The following FSTL4 variants were observed in gnomAD, a reference collection of about 807,000 sequenced individuals.
FSTL4 encodes the protein follistatin like 4.
A neutral mutation model predicts 78.2 loss-of-function variants in FSTL4; 28 were observed. The observed-to-expected ratio is 0.36, with a 90% CI of 0.27 to 0.49. FSTL4 has a LOEUF of 0.49. Among genes scored for constraint, FSTL4 ranks in the 20% least tolerant of loss-of-function variants. The probability of loss-of-function intolerance (pLI) is 0.98; values close to 1 mark genes in which losing one functional copy is unlikely to be tolerated. For missense variants in FSTL4, 922 were observed against 1,084.9 expected (o/e 0.85, Z 2.11); for synonymous variants, 422 against 440.5 (o/e 0.96, Z 0.53).
intron 6 of FSTL4, among the ~76,000 whole-genome samples, chr5:133,286,437 A>T (rs1753130856): frequency 6.6e-6 from 1 of 152,220 alleles, no homozygotes; most frequent in East Asian, 1.9e-4. Context: ...TTTTCTGAAG[A>T]GATCTTGTTT....
chr5:133,466,280 A>C (rs25877), intron 3 of FSTL4, among the ~76,000 whole-genome samples: 36,421 of 152,128 alleles, frequency 0.24, 5,921 homozygotes, highest in African/African-American at 0.47. Context: ...CGGTGGCTCA[A>C]GCCTGTAATC....
chr5:133,825,317 A>C, the FSTL4 span, among the ~76,000 whole-genome samples: 1 of 152,244 alleles, frequency 6.6e-6, no homozygotes, highest in Non-Finnish European at 1.5e-5. Context: ...CAGGTCTTTC[A>C]GGTGGGCACC....
At chr5:133,486,006 G>C (rs1304596594) in intron 3 of FSTL4, among the ~76,000 whole-genome samples, 1 of 152,192 alleles carries the variant, frequency 6.6e-6, no homozygotes, top group African/African-American at 2.4e-5. Flanking sequence ...GGAGCAGGAA[G>C]TACAAAGGCC....
chr5:133,686,501 GAATT>G, the FSTL4 span, among the ~76,000 whole-genome samples: 2 of 152,354 alleles, frequency 1.3e-5, no homozygotes, highest in East Asian at 1.9e-4. Flanking sequence ...TTCAGTGTCA[GAATT>G]AATTGTGTTT....
chr5:133,778,595 G>A, the FSTL4 span, among the ~76,000 whole-genome samples: 11 of 152,266 alleles, frequency 7.2e-5, no homozygotes, highest in East Asian at 2.1e-3. Context: ...GGGATGCTGG[G>A]TGACACACCG....
At chr5:133,498,125 G>A (rs552115370) in intron 3 of FSTL4, among the ~76,000 whole-genome samples, 2 of 152,316 alleles carry the variant, frequency 1.3e-5, no homozygotes, top group South Asian at 2.1e-4. Flanking sequence ...AGCAGTGGGT[G>A]TACTGTGCAA....
intron 3 of FSTL4, among the ~76,000 whole-genome samples, chr5:133,540,043 C>T (rs1446775744): frequency 4.0e-5 from 6 of 151,454 alleles, no homozygotes; most frequent in Non-Finnish European, 7.4e-5. Context: ...CTCATCCAAT[C>T]AGTTGAAGGC....
Position 133,442,830 on chromosome 5 carries a change from A to C in FSTL4, c.161-41844T>G, listed in dbSNP as rs575448744. On this transcript the variant is annotated intron_variant, in intron 3 of 15. Transcript: ENST00000265342. ...ATTATACAACTGACCCAACACCATT[A>C]GCATCTCTAGACTTTATACCTGATC... 3.9e-5 allele frequency among the ~76,000 whole-genome samples: 6 copies of C among 152,352 alleles called. 1 individual carries two copies. The highest frequency in any genetic ancestry group is 1.4e-4 in the African/African-American group (6 of 41,592).
intron 3 of FSTL4, among the ~76,000 whole-genome samples, chr5:133,499,482 G>A (rs546875654): frequency 5.3e-5 from 8 of 152,142 alleles, no homozygotes; most frequent in South Asian, 4.2e-4. Context: ...GGCTCTGAGG[G>A]TGGCGCGTCT....
rs574543234 is a variant in FSTL4, at chr5:133,312,587, C to G, written c.727+67G>C. On this transcript the variant is annotated intron_variant, in intron 6 of 15. Coordinates refer to ENST00000265342, the MANE Select transcript of FSTL4 (RefSeq NM_015082.2). ...GACAACTGAGGACAGACTCCAGGCA[C>G]CCAACAGCATTTTGGTGCAGAAGCA... 1.0e-3 allele frequency: 1,561 copies of G among 1,505,432 alleles called. 6 individuals carry two copies. In the Middle Eastern group the frequency reaches 0.013, roughly 13 times the overall value. The allele number at this position is 1,505,432 out of a possible 1,614,324, so 93.3% of individuals were successfully genotyped here.
Position 133,199,372 on chromosome 5 carries a change from A to ATGT in FSTL4, c.2249_2251dup (p.Asn750dup). 6.2e-7 allele frequency: 1 copy of ATGT among 1,614,054 alleles called. No homozygotes were observed. Among genetic ancestry groups the ATGT allele is most frequent in the Non-Finnish European group, 8.5e-7 (1 of 1,179,998 alleles). ...CGGCTCCGTGTGCAGAGCCGCGTAGATGTTGTATTGATTGCTTTCAGTGAA... is the reference window on the plus strand; with the variant it reads ...CGGCTCCGTGTGCAGAGCCGCGTAGATGTTGTTGTATTGATTGCTTTCAGTGAA... On this transcript the variant is annotated inframe_insertion, in exon 16 of 16. Transcript: ENST00000265342. The surrounding 1 kb of genome is among the most constrained non-coding windows in gnomAD (Gnocchi z 4.4).
chr5:133,776,407 C>T, the FSTL4 span, among the ~76,000 whole-genome samples: 2 of 152,190 alleles, frequency 1.3e-5, no homozygotes, highest in Non-Finnish European at 2.9e-5. Flanking sequence ...CTCCTTTCCC[C>T]TTCAGTCCTA....
the FSTL4 span, among the ~76,000 whole-genome samples, chr5:133,724,352 T>A: frequency 3.3e-5 from 5 of 152,266 alleles, no homozygotes; most frequent in Admixed American, 2.6e-4. Flanking sequence ...AGAGGCAAGG[T>A]GTTTCCTTCC....
At chr5:133,462,563 C>T (rs1757614077) in intron 3 of FSTL4, among the ~76,000 whole-genome samples, 1 of 152,228 alleles carries the variant, frequency 6.6e-6, no homozygotes, top group Non-Finnish European at 1.5e-5. Context: ...ATCAAAGACA[C>T]TCCTGAAATC....
chr5:133,341,493 G>A (rs1286284203), intron 4 of FSTL4, among the ~76,000 whole-genome samples: 2 of 152,052 alleles, frequency 1.3e-5, no homozygotes, highest in Admixed American at 6.6e-5. Context: ...GCCCCTGTGT[G>A]AGTGCATGTG....
chr5:133,483,333 A>T (rs1289919957), intron 3 of FSTL4, among the ~76,000 whole-genome samples: 1 of 152,182 alleles, frequency 6.6e-6, no homozygotes, highest in African/African-American at 2.4e-5. Flanking sequence ...AGATAGCACA[A>T]ATGCCCAGCA....
the FSTL4 span, among the ~76,000 whole-genome samples, chr5:133,720,135 T>C: frequency 6.6e-6 from 1 of 152,122 alleles, no homozygotes; most frequent in Admixed American, 6.5e-5. Context: ...TTAGTAACTA[T>C]AAAGGAATGC....
chr5:133,405,150 G>A (rs922271431), intron 3 of FSTL4, among the ~76,000 whole-genome samples: 1 of 152,196 alleles, frequency 6.6e-6, no homozygotes, highest in Non-Finnish European at 1.5e-5. Context: ...GCCTGCTCCT[G>A]AAGGCTGTCA....
chr5:133,287,854 C>T (rs1217232102), intron 6 of FSTL4, among the ~76,000 whole-genome samples: 1 of 152,212 alleles, frequency 6.6e-6, no homozygotes, highest in East Asian at 1.9e-4. Context: ...AAATGCCAAA[C>T]ACCACCTCCT....
Sources: gnomAD v4.1 joint callset for allele counts (sites outside exome capture counted in the v4.1 genomes callset) on GRCh38, gnomAD v4.1.1 for gene constraint, Gnocchi (gnomAD v3.1) non-coding constraint, MANE v1.5 for transcripts, NCBI Gene and HGNC (gene_info 2026-07-23, HGNC 2026-07-21) for gene names.